FRS2: variants seen among roughly 807,000 people sequenced by gnomAD.
FRS2 encodes the protein fibroblast growth factor receptor substrate 2, also known as FGFR signalling adaptor.
Under a neutral mutation model 43.9 loss-of-function variants are expected in FRS2, and 8 were observed. The ratio of observed to expected loss-of-function variants is 0.18; its 90% CI spans 0.11 to 0.33. The LOEUF (loss-of-function observed/expected upper bound fraction) is 0.33. FRS2 is among the 10% of genes least tolerant of loss of function. FRS2 has a pLI of 1.00. For synonymous variants in FRS2, 219 were observed against 220.3 expected (o/e 0.99, Z 0.05); for missense variants, 534 against 627.6 (o/e 0.85, Z 1.59).
intron 1 of FRS2, among the ~76,000 whole-genome samples, chr12:69,497,400 G>T (rs1873004922): frequency 6.6e-6 from 1 of 152,186 alleles, no homozygotes; most frequent in East Asian, 1.9e-4. Context: ...TAGATTCAGT[G>T]CCTGGTAAAG....
intron 1 of FRS2, among the ~76,000 whole-genome samples, chr12:69,478,450 G>C (rs189617157): frequency 6.6e-6 from 1 of 152,162 alleles, no homozygotes; most frequent in Non-Finnish European, 1.5e-5. Context: ...CATGGGGCTG[G>C]TGGCTACTGT....
chr12:69,532,400 AC>A (rs1451489980), intron 3 of FRS2, among the ~76,000 whole-genome samples: 2 of 152,116 alleles, frequency 1.3e-5, no homozygotes, highest in African/African-American at 4.8e-5. Flanking sequence ...TGCCTACGTG[AC>A]TTGGAGGAGT....
chr12:69,519,032 A>G (rs944124391), intron 1 of FRS2, among the ~76,000 whole-genome samples: 2 of 151,492 alleles, frequency 1.3e-5, no homozygotes, highest in African/African-American at 4.9e-5. Flanking sequence ...ACTGGTTTTC[A>G]TTGACTTCTA....
chr12:69,559,798 A>C (rs887417229), intron 3 of FRS2, among the ~76,000 whole-genome samples: 2 of 152,104 alleles, frequency 1.3e-5, no homozygotes, highest in South Asian at 2.1e-4. Flanking sequence ...AAAAAAAAAA[A>C]AACAACCAGA....
At chr12:69,557,619 T>TGCGCGCGCGCGCGC (rs529133007) in intron 3 of FRS2, among the ~76,000 whole-genome samples, 1 of 118,966 alleles carries the variant, frequency 8.4e-6, no homozygotes, top group Non-Finnish European at 1.9e-5. Context: ...TGTGTGTGTG[T>TGCGCGCGCGCGCGC]GCGCGCGCGC....
chr12:69,563,704 G>A (rs1880050636), intron 4 of FRS2, among the ~76,000 whole-genome samples: 1 of 152,210 alleles, frequency 6.6e-6, no homozygotes, highest in Admixed American at 6.5e-5. Context: ...TAGCTCCTTG[G>A]TGACTAATCC....
At chr12:69,561,206 C>T (rs1483157604) in intron 3 of FRS2, among the ~76,000 whole-genome samples, 1 of 152,118 alleles carries the variant, frequency 6.6e-6, no homozygotes, top group Non-Finnish European at 1.5e-5. Flanking sequence ...AGAAGAGGGA[C>T]AGGATTGCCA....
At chr12:69,476,479 T>C (rs1414933203) in intron 1 of FRS2, among the ~76,000 whole-genome samples, 1 of 152,204 alleles carries the variant, frequency 6.6e-6, no homozygotes, top group Non-Finnish European at 1.5e-5. Flanking sequence ...GCTTTCCATT[T>C]CACTTCTTCT....
At chr12:69,521,058 T>G (rs1875590927) in intron 1 of FRS2, among the ~76,000 whole-genome samples, 1 of 152,242 alleles carries the variant, frequency 6.6e-6, no homozygotes, top group Non-Finnish European at 1.5e-5. Context: ...CCCATTTGTT[T>G]GTGTCATCTC....
intron 1 of FRS2, among the ~76,000 whole-genome samples, chr12:69,494,313 G>A (rs1872701435): frequency 6.6e-6 from 1 of 152,188 alleles, no homozygotes; most frequent in Admixed American, 6.5e-5. Context: ...ATTTTACTCT[G>A]AAGAATGGTA....
At chr12:69,509,633 C>T (rs978819652) in intron 1 of FRS2, among the ~76,000 whole-genome samples, 3 of 152,130 alleles carry the variant, frequency 2.0e-5, no homozygotes, top group African/African-American at 7.2e-5. Flanking sequence ...CATTATTCTA[C>T]TTTCTGTCTT....
intron 1 of FRS2, among the ~76,000 whole-genome samples, chr12:69,477,709 C>CTTATTTAT (rs138396374): frequency 4.2e-5 from 6 of 142,176 alleles, no homozygotes; most frequent in Admixed American, 2.1e-4. Flanking sequence ...TTAATAGTAG[C>CTTATTTAT]TTATTTATTT....
Position 69,574,258 on chromosome 12 carries a change from G to A in FRS2, c.830G>A (p.Ser277Asn). ...GAGCAACTTGGAAGAGATCAAGTTA[G>A]TGGAAGTGGAGCAAATAACACAGAA... ...KLEQLGRDQV[S>N]GSGANNTEWD... is the part of the protein sequence containing the mutation. Residue 277 changes from serine (S) to asparagine (N), a missense_variant, in exon 9 of 9, where the codon AGT (serine) becomes AAT (asparagine). Physicochemically the swap from Ser to Asn is conservative, Grantham distance 46 (BLOSUM62 1). Coordinates refer to ENST00000549921, the MANE Select transcript of FRS2 (RefSeq NM_001278356.2). 4.3e-6 allele frequency: 7 copies of A among 1,614,180 alleles called. No homozygotes were observed. The highest frequency in any genetic ancestry group is 5.9e-6 in the Non-Finnish European group (7 of 1,179,962).
At position 69,532,045 on chromosome 12, in the gene FRS2, G is replaced by A. The variant is rs374335920; in HGVS notation, c.-133G>A. On this transcript the variant is annotated 5_prime_UTR_variant, in exon 3 of 9. Coordinates refer to ENST00000549921, the MANE Select transcript of FRS2 (RefSeq NM_001278356.2). ...AATTGTATCTGTTTTTCTCAGAAGA[G>A]AATTCCACAAGGTAAGAAATTGTAA... 2.6e-5 allele frequency: 4 copies of A among 152,654 alleles called. No individual in the cohort carries two copies. Among genetic ancestry groups the A allele is most frequent in the African/African-American group, 2.4e-5 (1 of 41,550 alleles). 9.5% of individuals were successfully genotyped at this position (152,654 alleles called of 1,614,324 possible). A position where few individuals can be genotyped will look rare whatever the true frequency, so the allele number is the denominator to read the frequency against.
chr12:69,565,826 T>G (rs898014620), intron 4 of FRS2, among the ~76,000 whole-genome samples: 2 of 152,176 alleles, frequency 1.3e-5, no homozygotes, highest in Non-Finnish European at 2.9e-5. Context: ...AGTTAATTTT[T>G]TTTTTAATAA....
chr12:69,556,008 CGGGG>C (rs10666921), intron 3 of FRS2, among the ~76,000 whole-genome samples: 2 of 123,440 alleles, frequency 1.6e-5, no homozygotes, highest in African/African-American at 2.7e-5. Context: ...GTGTGTGTGG[CGGGG>C]GGGGGGGCGG....
At chr12:69,533,847 C>A (rs1230620828) in intron 3 of FRS2, among the ~76,000 whole-genome samples, 1 of 152,086 alleles carries the variant, frequency 6.6e-6, no homozygotes, top group Admixed American at 6.6e-5. Flanking sequence ...CAGTATCTTC[C>A]GTCCCAAAAG....
chr12:69,521,708 G>A lies in FRS2; in HGVS notation c.-260-9157G>A, dbSNP rs531556492. Among the ~76,000 whole-genome samples the A allele has an allele frequency of 5.3e-5, 8 of 152,046 alleles. No homozygotes were observed. The South Asian group carries it at 1.3e-3, about 24-fold the overall frequency. On this transcript the variant is annotated intron_variant, in intron 1 of 8. Coordinates refer to ENST00000549921, the MANE Select transcript of FRS2 (RefSeq NM_001278356.2). Reference sequence around the variant, plus strand: ...TGGCTCACTGCAAGCTCTGCCTCCCGGGTTCACGCCATTCTCCTGCCTCAG... The same window carrying A: ...TGGCTCACTGCAAGCTCTGCCTCCCAGGTTCACGCCATTCTCCTGCCTCAG...
At chr12:69,500,653 C>T (rs1281470257) in intron 1 of FRS2, among the ~76,000 whole-genome samples, 2 of 152,116 alleles carry the variant, frequency 1.3e-5, no homozygotes, top group South Asian at 2.1e-4. Context: ...TTTGTAGATA[C>T]AGGCTTAAAC....
Sources: allele counts gnomAD v4.1 joint callset (sites outside exome capture counted in the v4.1 genomes callset), GRCh38; gene constraint gnomAD v4.1.1; transcripts MANE v1.5; gene names NCBI Gene and HGNC (gene_info 2026-07-23, HGNC 2026-07-21).